CSMD2: variants seen among roughly 807,000 people sequenced by gnomAD.
CSMD2 encodes CUB and Sushi multiple domains 2, also known as CUB and sushi domain-containing protein 2.
A neutral mutation model predicts 398.5 loss-of-function variants in CSMD2; 130 were observed. That is an observed-to-expected ratio of 0.33 (90% confidence interval 0.28 to 0.38). The LOEUF is 0.38. Ranked by LOEUF, CSMD2 falls within the 10% of genes least tolerant of loss-of-function variation. CSMD2 has a pLI of 1.00. For missense variants in CSMD2, 3,829 were observed against 4,764.9 expected (o/e 0.80, Z 5.78); for synonymous variants, 1,828 against 1,908.5 (o/e 0.96, Z 1.10).
chr1:33,647,221 A>C (rs1408744517), intron 28 of CSMD2, among the ~76,000 whole-genome samples: 1 of 152,148 alleles, frequency 6.6e-6, no homozygotes, highest in African/African-American at 2.4e-5. Context: ...TGCTCTTCTG[A>C]ACCTCATTTT....
chr1:33,729,184 T>G (rs1646639955), intron 15 of CSMD2, among the ~76,000 whole-genome samples: 1 of 152,208 alleles, frequency 6.6e-6, no homozygotes, highest in African/African-American at 2.4e-5. Flanking sequence ...CTCCATTGCC[T>G]GTCTAGGCCA....
At chr1:33,779,715 T>G (rs1414687601) in intron 12 of CSMD2, among the ~76,000 whole-genome samples, 2 of 152,194 alleles carry the variant, frequency 1.3e-5, no homozygotes, top group Non-Finnish European at 2.9e-5. Flanking sequence ...GCTCTTTCTC[T>G]CTCGCTCCCA....
intron 58 of CSMD2, 87 bp from the exon 59 acceptor site, chr1:33,541,396 T>G: frequency 2.0e-6 from 2 of 979,628 alleles, no homozygotes; most frequent in Non-Finnish European, 3.2e-6. Flanking sequence ...CCTGCATGCA[T>G]CCAAGAAGGG....
chr1:33,564,212 C>G (rs1372423408), intron 53 of CSMD2, among the ~76,000 whole-genome samples: 2 of 152,190 alleles, frequency 1.3e-5, no homozygotes, highest in Admixed American at 1.3e-4. Context: ...GAGGTGCCTG[C>G]TTTTTACAGG....
chr1:33,662,321 C>A (rs1044920478), intron 26 of CSMD2, among the ~76,000 whole-genome samples: 4 of 152,170 alleles, frequency 2.6e-5, no homozygotes, highest in Non-Finnish European at 5.9e-5. Context: ...CCCAAGCCAC[C>A]GTCTACTTGT....
chr1:33,982,305 C>T (rs963938827), intron 3 of CSMD2, among the ~76,000 whole-genome samples: 13 of 152,136 alleles, frequency 8.5e-5, no homozygotes, highest in Non-Finnish European at 1.6e-4. Context: ...CATTGAGAAA[C>T]AGACCTTTGC....
At position 33,652,361 on chromosome 1, in the gene CSMD2, G is replaced by A. The variant is rs749725182; in HGVS notation, c.4548C>T (p.Thr1516=). 5 of 1,613,992 alleles carry A rather than the reference G, an allele frequency of 3.1e-6. No homozygotes were observed. Among genetic ancestry groups the A allele is most frequent in the Admixed American group, 1.7e-5 (1 of 60,006 alleles). ...GGGCGATGACGTAGTCTGGTGAGAC[G>A]GTCACTTTCCAGTCACACTCCTTGC... ...PPGKECDWKV[T]VSPDYVIALV... The change falls in exon 28 of 71, where the codon ACC becomes ACT. Residue 1516 remains threonine, a synonymous_variant. Coordinates refer to ENST00000373381, the MANE Select transcript of CSMD2 (RefSeq NM_001281956.2).
intron 41 of CSMD2, chr1:33,605,880 A>T: frequency 6.2e-7 from 1 of 1,613,660 alleles, no homozygotes; most frequent in Non-Finnish European, 8.5e-7. Context: ...ACCAGGATCA[A>T]GATCCCAGAC....
chr1:33,751,789 T>C (rs1427714755), intron 13 of CSMD2, among the ~76,000 whole-genome samples: 1 of 151,904 alleles, frequency 6.6e-6, no homozygotes, highest in African/African-American at 2.4e-5. Flanking sequence ...CAGCTAATTT[T>C]TTTTTTTTTG....
intron 57 of CSMD2, 82 bp downstream of exon 57, chr1:33,545,955 A>G: frequency 7.3e-7 from 1 of 1,373,304 alleles, no homozygotes; most frequent in Non-Finnish European, 1.0e-6. Context: ...CTGTGAGCGC[A>G]GGTGCCTGGG....
chr1:33,985,678 A>G (rs1646335249), intron 3 of CSMD2, among the ~76,000 whole-genome samples: 1 of 152,184 alleles, frequency 6.6e-6, no homozygotes, highest in Non-Finnish European at 1.5e-5. Context: ...GTTAAGTAGG[A>G]TAATGTATGT....
chr1:33,890,821 A>G lies in CSMD2; in HGVS notation c.920+27273T>C, dbSNP rs367921910. Among the ~76,000 whole-genome samples the G allele has an allele frequency of 3.9e-3, 586 of 152,164 alleles. 1 individual carries two copies. The highest frequency in any genetic ancestry group is 5.0e-3 in the South Asian group (24 of 4,810). ...AAGGATTCCCTATTTAATAAATGGT[A>G]CTGGGAAAACTGGCTAGCCATATGC... is the stretch of plus-strand genomic sequence containing the variant. On this transcript the variant is annotated intron_variant, in intron 5 of 70. Transcript: ENST00000373381.
Position 34,165,052 on chromosome 1 carries a change from CG to C in CSMD2, c.45del (p.Ala16ArgfsTer336). ...RGRELGRCGCPAGRARGETGI... is the reference protein window; with the variant it reads ...RGRELGRCGCXAGRARGETGI... ...CCGGTTTCGCCGCGAGCCCTCCCCG[CG>C]GGGCAGCCGCAGCGCCCCAGCTCCC... On this transcript the variant is annotated frameshift_variant, in exon 1 of 71. Coordinates refer to ENST00000373381, the MANE Select transcript of CSMD2 (RefSeq NM_001281956.2). LOFTEE classifies it high-confidence loss of function. 8.2e-7 allele frequency: 1 copy of C among 1,215,312 alleles called. No homozygotes were observed. The highest frequency in any genetic ancestry group is 1.0e-6 in the Non-Finnish European group (1 of 977,332). 75.3% of individuals were successfully genotyped at this position (1,215,312 alleles called of 1,614,324 possible). A position where few individuals can be genotyped will look rare whatever the true frequency, so the allele number is the denominator to read the frequency against.
chr1:33,616,879 T>C, intron 39 of CSMD2, 27 bp downstream of exon 39: 1 of 1,594,896 alleles, frequency 6.3e-7, no homozygotes, highest in Admixed American at 1.7e-5. Flanking sequence ...TTGGTTGGAA[T>C]GAATTGTAAA....
intron 1 of CSMD2, among the ~76,000 whole-genome samples, chr1:34,107,021 A>G (rs968203352): frequency 6.6e-6 from 1 of 152,198 alleles, no homozygotes; most frequent in African/African-American, 2.4e-5. Context: ...TAGCAGAAGC[A>G]TCTCTGCTTT....
intron 10 of CSMD2, among the ~76,000 whole-genome samples, chr1:33,801,440 A>C (rs1185739392): frequency 6.6e-6 from 1 of 152,092 alleles, no homozygotes; most frequent in Non-Finnish European, 1.5e-5. Context: ...TAACAAGAGG[A>C]GGCCCTGGAG....
intron 5 of CSMD2, 85 bp from the exon 6 acceptor site, chr1:33,847,081 T>C: frequency 1.1e-6 from 1 of 875,776 alleles, no homozygotes; most frequent in Non-Finnish European, 1.8e-6. Flanking sequence ...TCCACTTCCC[T>C]TGAGTGCCAA....
rs993364447 is a variant in CSMD2 at position 33,891,426 on chromosome 1, T to C, written c.920+26668A>G. Among the ~76,000 whole-genome samples, 9 of 150,788 alleles carry C rather than the reference T, an allele frequency of 6.0e-5. 1 individual carries two copies. The highest frequency in any genetic ancestry group is 1.2e-4 in the African/African-American group (5 of 40,852). Reference sequence around the variant, plus strand: ...AGGTGCTGGAGAGGATGTGGAGAAATAGGAACACTTTTACACTGTTGGTGG... The same window carrying C: ...AGGTGCTGGAGAGGATGTGGAGAAACAGGAACACTTTTACACTGTTGGTGG... On this transcript the variant is annotated intron_variant, in intron 5 of 70. Coordinates refer to ENST00000373381, the MANE Select transcript of CSMD2 (RefSeq NM_001281956.2).
chr1:34,108,163 G>A (rs778226183), intron 1 of CSMD2, among the ~76,000 whole-genome samples: 20 of 151,976 alleles, frequency 1.3e-4, no homozygotes, highest in Non-Finnish European at 2.6e-4. Flanking sequence ...GGTGGAACTG[G>A]CCTCATCCCT....
Sources: gnomAD v4.1 joint callset for allele counts (sites outside exome capture counted in the v4.1 genomes callset) on GRCh38, gnomAD v4.1.1 for gene constraint, MANE v1.5 for transcripts, NCBI Gene and HGNC (gene_info 2026-07-23, HGNC 2026-07-21) for gene names.